The following SLC9A1 variants were observed in gnomAD, a reference collection of about 807,000 sequenced individuals.
SLC9A1 encodes the protein solute carrier family 9 member A1, also known as sodium/hydrogen exchanger 1.
Under a neutral mutation model 67.9 loss-of-function variants are expected in SLC9A1, and 22 were observed. The ratio of observed to expected loss-of-function variants is 0.32; its 90% CI spans 0.23 to 0.46. The LOEUF (loss-of-function observed/expected upper bound fraction) is 0.46. SLC9A1 is among the 20% of genes least tolerant of loss of function. The pLI is 1.00. For missense variants in SLC9A1, 686 were observed against 1,094.8 expected, an observed-to-expected ratio of 0.63 and a Z score of 5.27; for synonymous variants, 421 against 471.8, an observed-to-expected ratio of 0.89 and a Z score of 1.40.
chr1:27,120,118 GTTT>G (rs531248912), intron 1 of SLC9A1, among the ~76,000 whole-genome samples: 100 of 150,784 alleles, frequency 6.6e-4, no homozygotes, highest in African/African-American at 2.3e-3. Context: ...GGGATGGGAG[GTTT>G]TTTTTGTTTT....
chr1:27,147,892 G>A (rs1002643426), intron 1 of SLC9A1, among the ~76,000 whole-genome samples: 5 of 152,082 alleles, frequency 3.3e-5, no homozygotes, highest in Admixed American at 2.0e-4. Context: ...TACTCAGGAG[G>A]CTGAGGCAGG....
chr1:27,134,086 T>G (rs1276986706), intron 1 of SLC9A1, among the ~76,000 whole-genome samples: 4 of 152,092 alleles, frequency 2.6e-5, no homozygotes, highest in Non-Finnish European at 5.9e-5. Flanking sequence ...TTTTCTAAAG[T>G]GCCTTTCCAC....
In SLC9A1 at chr1:27,114,789, G is replaced by A. The variant is rs11247607; in HGVS notation, c.353-503C>T. ...TATCACGGAGCTGTTTAAGCAGAAGGCAGACAACCAGCTGGTGGGGAGTGG... is the reference window on the plus strand; with the variant it reads ...TATCACGGAGCTGTTTAAGCAGAAGACAGACAACCAGCTGGTGGGGAGTGG... On this transcript the variant is annotated intron_variant, in intron 1 of 11. Coordinates refer to ENST00000263980, the MANE Select transcript of SLC9A1 (RefSeq NM_003047.5). The surrounding 1 kb of genome is among the most constrained non-coding windows in gnomAD (Gnocchi z 5.4). Among the ~76,000 whole-genome samples the A allele has an allele frequency of 1.3e-5, 2 of 152,150 alleles. No individual in the cohort carries two copies. The highest frequency in any genetic ancestry group is 4.8e-5 in the African/African-American group (2 of 41,428).
intron 1 of SLC9A1, among the ~76,000 whole-genome samples, chr1:27,138,117 C>A (rs773589998): frequency 5.3e-5 from 8 of 152,196 alleles, no homozygotes; most frequent in Non-Finnish European, 1.0e-4. Context: ...TACTCAAGAG[C>A]CTTTGATGGT....
At chr1:27,113,066 C>T (rs911206177) in intron 2 of SLC9A1, among the ~76,000 whole-genome samples, 2 of 152,040 alleles carry the variant, frequency 1.3e-5, no homozygotes, top group African/African-American at 4.8e-5. Flanking sequence ...TAAGATATAG[C>T]CAACATGAGA....
At chr1:27,107,921 C>T in intron 3 of SLC9A1, 56 bp from the exon 4 acceptor site, 7 of 1,333,818 alleles carry the variant, frequency 5.2e-6, no homozygotes, top group Non-Finnish European at 7.4e-6. Flanking sequence ...CTGCTCGAGC[C>T]CCTCCACTGC....
chr1:27,119,340 T>G (rs2083291585), intron 1 of SLC9A1, among the ~76,000 whole-genome samples: 2 of 152,076 alleles, frequency 1.3e-5, no homozygotes, highest in South Asian at 4.1e-4. Flanking sequence ...AAGAGGGGTC[T>G]CTTTGGCCCA....
rs267598531 is a variant in SLC9A1, at chr1:27,102,521, G to A, written c.1684C>T (p.Leu562=). The stretch of plus-strand genomic sequence containing the variant: ...TCCTTGGAGCGCTCGCCAGCTATCA[G>A]ACACTTCTTCACATATTTCTTATTA... ...RFNKKYVKKC[L]IAGERSKEPQ... Residue 562 remains leucine, a synonymous_variant, in exon 8 of 12, where the codon CTG becomes TTG. Coordinates refer to ENST00000263980, the MANE Select transcript of SLC9A1 (RefSeq NM_003047.5). The A allele has an allele frequency of 6.2e-7, 1 of 1,609,306 alleles. No individual in the cohort carries two copies. Among genetic ancestry groups the A allele is most frequent in the Non-Finnish European group, 8.5e-7 (1 of 1,176,282 alleles).
Position 27,100,191 on chromosome 1 carries a change from C to T in SLC9A1, c.*116G>A, listed in dbSNP as rs920254338. 12 of 701,176 alleles carry T rather than the reference C, an allele frequency of 1.7e-5. No homozygotes were observed. The highest frequency in any genetic ancestry group is 2.3e-5 in the South Asian group (1 of 42,868). 43.4% of individuals were successfully genotyped at this position (701,176 alleles called of 1,614,324 possible). On this transcript the variant is annotated 3_prime_UTR_variant, in exon 12 of 12. Transcript: ENST00000263980. This position sits in a 1 kb window ranked among gnomAD's most constrained non-coding sequence, Gnocchi z 5.6. ...GGGGGCTGTGGGCCCAGCTGCCATGCGGTAGGGGGAGGGGCAGGGCCAATC... is the reference window on the plus strand; with the variant it reads ...GGGGGCTGTGGGCCCAGCTGCCATGTGGTAGGGGGAGGGGCAGGGCCAATC...
intron 1 of SLC9A1, among the ~76,000 whole-genome samples, chr1:27,123,467 T>C (rs2083318718): frequency 6.6e-6 from 1 of 152,126 alleles, no homozygotes; most frequent in Non-Finnish European, 1.5e-5. Flanking sequence ...ACAACCCTAA[T>C]GCAGTAGGTA....
chr1:27,154,417 G>C lies in SLC9A1; in HGVS notation c.-83C>G. 1.2e-6 allele frequency: 1 copy of C among 818,714 alleles called. No homozygotes were observed. Among genetic ancestry groups the C allele is most frequent in the Non-Finnish European group, 1.9e-6 (1 of 527,964 alleles). The allele number at this position is 818,714 out of a possible 1,614,324, so 50.7% of individuals were successfully genotyped here. A position where few individuals can be genotyped will look rare whatever the true frequency, so the allele number is the denominator to read the frequency against. ...TAGGTAGCAAAGGGTCAGCAAGTGG[G>C]AAGAGAGACTGGCGTAGTCTCTAGG... On this transcript the variant is annotated 5_prime_UTR_variant, in exon 1 of 12. Coordinates refer to ENST00000263980, the MANE Select transcript of SLC9A1 (RefSeq NM_003047.5).
chr1:27,102,120 G>A lies in SLC9A1; in HGVS notation c.1831C>T (p.Pro611Ser). The part of the protein sequence containing the change: ...VSTVSMQNIH[P>S]KSLPSERILP... ...ATGCGCTCGGAAGGCAGGGACTTGG[G>A]GTGGATGTTCCTGGGGCAATAGGGC... is the stretch of plus-strand genomic sequence containing the variant. Residue 611 changes from proline (P) to serine (S), a missense_variant, in exon 9 of 12, where the codon CCC becomes TCC. Pro to Ser is a moderately conservative substitution (Grantham distance 74). This residue lies in a region of SLC9A1 where 226 missense variants were observed against 282.4 expected (regional missense o/e 0.80). Coordinates refer to ENST00000263980, the MANE Select transcript of SLC9A1 (RefSeq NM_003047.5). 1 of 1,613,344 alleles carries A rather than the reference G, an allele frequency of 6.2e-7. No individual in the cohort carries two copies. Among genetic ancestry groups the A allele is most frequent in the Non-Finnish European group, 8.5e-7 (1 of 1,179,376 alleles).
At position 27,114,462 on chromosome 1, in the gene SLC9A1, G is replaced by A. The variant is rs1181351987; in HGVS notation, c.353-176C>T. On this transcript the variant is annotated intron_variant, in intron 1 of 11. Coordinates refer to ENST00000263980, the MANE Select transcript of SLC9A1 (RefSeq NM_003047.5). This position sits in a 1 kb window ranked among gnomAD's most constrained non-coding sequence, Gnocchi z 5.4. ...GCTTCCTCGCCTGTAAAATGGAAGG[G>A]ACAATGCTAGCTTCACAGGTTTGCC... 2.0e-5 allele frequency among the ~76,000 whole-genome samples: 3 copies of A among 152,170 alleles called. No individual in the cohort carries two copies. The highest frequency in any genetic ancestry group is 4.4e-5 in the Non-Finnish European group (3 of 68,036).
At position 27,114,404 on chromosome 1, in the gene SLC9A1, C is replaced by T; in HGVS notation, c.353-118G>A. On this transcript the variant is annotated intron_variant, in intron 1 of 11. Coordinates refer to ENST00000263980, the MANE Select transcript of SLC9A1 (RefSeq NM_003047.5). The surrounding 1 kb of genome is among the most constrained non-coding windows in gnomAD (Gnocchi z 5.4). Reference sequence around the variant, plus strand: ...GGTGAGAGGTGCACAGGCTGGGTCTCAGAGGGCTGCTCTGTTAACTCTCTG... The same window carrying T: ...GGTGAGAGGTGCACAGGCTGGGTCTTAGAGGGCTGCTCTGTTAACTCTCTG... 1.4e-6 allele frequency: 1 copy of T among 724,050 alleles called. No individual in the cohort carries two copies. The allele number at this position is 724,050 out of a possible 1,614,324, so 44.9% of individuals were successfully genotyped here. A position where few individuals can be genotyped will look rare whatever the true frequency, so the allele number is the denominator to read the frequency against.
Position 27,103,261 on chromosome 1 carries a change from C to G in SLC9A1, c.1537G>C (p.Glu513Gln), listed in dbSNP as rs2124131208. 6.2e-7 allele frequency: 1 copy of G among 1,611,122 alleles called. No individual in the cohort carries two copies. The highest frequency in any genetic ancestry group is 1.7e-5 in the Admixed American group (1 of 59,804). Reference protein sequence around the residue: ...VDLLAVKKKQETKRSINEEIH... With the variant: ...VDLLAVKKKQQTKRSINEEIH... ...TCTTCGTTGATGGAGCGCTTCGTCT[C>G]TTGCTTTTTCTTCACAGCCAACAGG... Residue 513 changes from glutamate (E) to glutamine (Q), a missense_variant, in exon 6 of 12, where the codon GAG (glutamate) becomes CAG (glutamine). This residue lies in a region of SLC9A1 where 168 missense variants were observed against 375.4 expected (regional missense o/e 0.45). Coordinates refer to ENST00000263980, the MANE Select transcript of SLC9A1 (RefSeq NM_003047.5).
chr1:27,101,588 T>C lies in SLC9A1; in HGVS notation c.2037+137A>G, dbSNP rs2083145010. 1 of 679,346 alleles carries C rather than the reference T, an allele frequency of 1.5e-6. No homozygotes were observed. Among genetic ancestry groups the C allele is most frequent in the Non-Finnish European group, 2.6e-6 (1 of 385,870 alleles). The allele number at this position is 679,346 out of a possible 1,614,324, so 42.1% of individuals were successfully genotyped here. On this transcript the variant is annotated intron_variant, in intron 10 of 11. Coordinates refer to ENST00000263980, the MANE Select transcript of SLC9A1 (RefSeq NM_003047.5). The surrounding 1 kb of genome is among the most constrained non-coding windows in gnomAD (Gnocchi z 4.9). The stretch of plus-strand genomic sequence containing the variant: ...CAATCCCTTGCTTAGAACTCATGGC[T>C]CTCCATGCCCTTACACTGCTAAAAG...
At position 27,155,074 on chromosome 1, in the gene SLC9A1, C is replaced by T. The variant is rs2083558094; in HGVS notation, c.-740G>A. 6.6e-6 allele frequency among the ~76,000 whole-genome samples: 1 copy of T among 152,068 alleles called. No individual in the cohort carries two copies. On this transcript the variant is annotated 5_prime_UTR_variant, in exon 1 of 12. Coordinates refer to ENST00000263980, the MANE Select transcript of SLC9A1 (RefSeq NM_003047.5). This position sits in a 1 kb window ranked among gnomAD's most constrained non-coding sequence, Gnocchi z 4.5. ...CCGCCCCGGCCCAGCTGCAGCTCCT[C>T]CTGGTCCAGCTCCAGAACTAACCCT...
rs1343242655 is a variant in SLC9A1 at position 27,155,078 on chromosome 1, G to C, written c.-744C>G. Among the ~76,000 whole-genome samples the C allele has an allele frequency of 1.3e-5, 2 of 152,046 alleles. No homozygotes were observed. The highest frequency in any genetic ancestry group is 2.9e-5 in the Non-Finnish European group (2 of 67,988). On this transcript the variant is annotated 5_prime_UTR_variant, in exon 1 of 12. Transcript: ENST00000263980. The surrounding 1 kb of genome is among the most constrained non-coding windows in gnomAD (Gnocchi z 4.5). ...CCCGGCCCAGCTGCAGCTCCTCCTG[G>C]TCCAGCTCCAGAACTAACCCTAGCC...
intron 1 of SLC9A1, among the ~76,000 whole-genome samples, chr1:27,129,030 G>C (rs1298761927): frequency 1.3e-5 from 2 of 152,178 alleles, no homozygotes; most frequent in African/African-American, 4.8e-5. Flanking sequence ...TGCAGATCTA[G>C]ATTCCCAGAA....
Sources: allele counts gnomAD v4.1 joint callset (sites outside exome capture counted in the v4.1 genomes callset), GRCh38; gene constraint gnomAD v4.1.1; regional missense constraint gnomAD v4.1.1; non-coding constraint Gnocchi (gnomAD v3.1); transcripts MANE v1.5; gene names NCBI Gene and HGNC (gene_info 2026-07-23, HGNC 2026-07-21).